The following SERP2 variants were observed in gnomAD, a reference collection of about 807,000 sequenced individuals.
The protein encoded by SERP2 is stress associated endoplasmic reticulum protein family member 2.
Under a neutral mutation model 9.1 loss-of-function variants are expected in SERP2, and 6 were observed. The ratio of observed to expected loss-of-function variants is 0.66; its 90% confidence interval spans 0.36 to 1.30. SERP2 has a LOEUF of 1.30. Ranked by LOEUF, SERP2 falls within the 50% of genes most tolerant of loss-of-function variation. SERP2 has a pLI of 0.03. For missense variants in SERP2, 58 were observed against 81.9 expected (o/e 0.71, Z 1.13); for synonymous variants, 37 against 27.3 (o/e 1.35, Z -1.10).
chr13:44,396,433 CAAA>C (rs112700748), intron 2 of SERP2, among the ~76,000 whole-genome samples: 14 of 93,588 alleles, frequency 1.5e-4, no homozygotes, highest in Admixed American at 2.3e-4. Context: ...CACCCTCCTT[CAAA>C]AAAAAAAAAA....
chr13:44,384,540 G>A (rs1023175404), intron 2 of SERP2, among the ~76,000 whole-genome samples: 8 of 152,106 alleles, frequency 5.3e-5, no homozygotes, highest in African/African-American at 9.7e-5. Flanking sequence ...TTTGCAGCAC[G>A]CACACCTGCA....
rs138887551 is a variant in SERP2, at chr13:44,390,776, A to G, written c.158-6496A>G. On this transcript the variant is annotated intron_variant, in intron 2 of 2. Coordinates refer to ENST00000379179, the MANE Select transcript of SERP2 (RefSeq NM_001010897.3). Reference sequence around the variant, plus strand: ...TTTCCCTCTTCTCCATCTCTAGAGAAGCCACCAGAAAATGGCATCTTGCTT... The same window carrying G: ...TTTCCCTCTTCTCCATCTCTAGAGAGGCCACCAGAAAATGGCATCTTGCTT... The G allele has an allele frequency of 6.9e-3, 1,092 of 158,686 alleles. 5 individuals are homozygous for G. Among genetic ancestry groups the G allele is most frequent in the South Asian group, 0.028 (157 of 5,568 alleles). The allele number at this position is 158,686 out of a possible 1,614,324, so 9.8% of individuals were successfully genotyped here. A position where few individuals can be genotyped will look rare whatever the true frequency, so the allele number is the denominator to read the frequency against.
At chr13:44,392,056 G>A (rs1441359406) in intron 2 of SERP2, among the ~76,000 whole-genome samples, 2 of 151,414 alleles carry the variant, frequency 1.3e-5, no homozygotes, top group East Asian at 3.9e-4. Context: ...AAATTAGCTG[G>A]GCATGGTGGT....
chr13:44,384,488 TA>T (rs2138786736), intron 2 of SERP2, among the ~76,000 whole-genome samples: 1 of 152,276 alleles, frequency 6.6e-6, no homozygotes, highest in East Asian at 1.9e-4. Context: ...TCCAGCTTTG[TA>T]ATCTGAAATA....
chr13:44,374,995 G>C (rs1871564796), intron 1 of SERP2, among the ~76,000 whole-genome samples: 1 of 152,146 alleles, frequency 6.6e-6, no homozygotes, highest in African/African-American at 2.4e-5. Context: ...TTTTAGCAAA[G>C]CAGATTATCA....
rs1410539007 is a variant in SERP2, at chr13:44,388,566, C to CA, written c.158-8705dup. Among the ~76,000 whole-genome samples the CA allele has an allele frequency of 5.9e-5, 9 of 152,304 alleles. No individual in the cohort carries two copies. The East Asian group carries it at 1.7e-3, about 29-fold the overall frequency. ...AGAGCCTGTGAGGTTTATCAGGCAC[C>CA]ATCCGTTGGGAGTCGCTCTGCCATT... is the stretch of plus-strand genomic sequence containing the variant. On this transcript the variant is annotated intron_variant, in intron 2 of 2. Transcript: ENST00000379179.
chr13:44,380,260 G>A (rs545257157), intron 2 of SERP2, among the ~76,000 whole-genome samples: 76 of 152,266 alleles, frequency 5.0e-4, no homozygotes, highest in African/African-American at 1.8e-3. Context: ...CAGAAGCATC[G>A]TGCCATTGTT....
Position 44,386,065 on chromosome 13 carries a change from G to A in SERP2, c.157+6352G>A, listed in dbSNP as rs112344765. 6.9e-3 allele frequency among the ~76,000 whole-genome samples: 1,057 copies of A among 152,332 alleles called. 24 individuals are homozygous for A. The highest frequency in any genetic ancestry group is 0.036 in the Admixed American group (556 of 15,306). ...TTCACTCCACGGATGAGTGGGAGCAGTGTAAGTGATAACACTTTGGATGCA... is the reference window on the plus strand; with the variant it reads ...TTCACTCCACGGATGAGTGGGAGCAATGTAAGTGATAACACTTTGGATGCA... On this transcript the variant is annotated intron_variant, in intron 2 of 2. Transcript: ENST00000379179.
intron 2 of SERP2, among the ~76,000 whole-genome samples, chr13:44,396,797 C>T (rs1873131643): frequency 6.6e-6 from 1 of 152,240 alleles, no homozygotes; most frequent in South Asian, 2.1e-4. Flanking sequence ...GGGTTCTAGG[C>T]AGACAGAGGC....
intron 1 of SERP2, among the ~76,000 whole-genome samples, chr13:44,376,891 T>C (rs1159941829): frequency 2.6e-5 from 4 of 152,226 alleles, no homozygotes; most frequent in Non-Finnish European, 5.9e-5. Flanking sequence ...ACGGGTATCT[T>C]AATCACAGGG....
At chr13:44,383,831 A>G (rs1440101322) in intron 2 of SERP2, among the ~76,000 whole-genome samples, 5 of 151,658 alleles carry the variant, frequency 3.3e-5, no homozygotes, top group Admixed American at 6.6e-5. Context: ...GATTACAGGC[A>G]TGAGCCAATG....
rs375157477 is a variant in SERP2 at position 44,382,424 on chromosome 13, G to A, written c.157+2711G>A. ...TGCACTCCAGCCTGGGCGACAGAGC[G>A]AGACTCCGTCTCAAAAAAAAAAAAA... is the stretch of plus-strand genomic sequence containing the variant. On this transcript the variant is annotated intron_variant, in intron 2 of 2. Transcript: ENST00000379179. Among the ~76,000 whole-genome samples the A allele has an allele frequency of 7.0e-4, 78 of 111,096 alleles. 1 individual carries two copies. The highest frequency in any genetic ancestry group is 6.7e-3 in the East Asian group (22 of 3,294). 72.9% of individuals were successfully genotyped at this position (111,096 alleles called of 152,430 possible).
At chr13:44,396,904 G>A (rs1271435594) in intron 2 of SERP2, among the ~76,000 whole-genome samples, 18 of 152,198 alleles carry the variant, frequency 1.2e-4, no homozygotes, top group Non-Finnish European at 7.3e-5. Flanking sequence ...CAGACTCACT[G>A]ACCTGTTTAA....
At chr13:44,390,585 T>A (rs1595056166) in intron 2 of SERP2, 3 of 357,972 alleles carry the variant, frequency 8.4e-6, no homozygotes, top group Non-Finnish European at 1.7e-5. Flanking sequence ...TAAGGTGACC[T>A]GCAGCCTCCT....
chr13:44,390,276 T>C, intron 2 of SERP2: 1 of 344,854 alleles, frequency 2.9e-6, no homozygotes. Flanking sequence ...ACAGGCTGCC[T>C]CTTGGTTGGG....
intron 2 of SERP2, among the ~76,000 whole-genome samples, chr13:44,388,156 C>G (rs1393162780): frequency 6.9e-6 from 1 of 145,792 alleles, no homozygotes; most frequent in Non-Finnish European, 1.5e-5. Context: ...TTTTTTTAAG[C>G]TGCAGAACTT....
At chr13:44,394,596 C>CA (rs1872978916) in intron 2 of SERP2, among the ~76,000 whole-genome samples, 1 of 152,208 alleles carries the variant, frequency 6.6e-6, no homozygotes, top group African/African-American at 2.4e-5. Flanking sequence ...AAGTTTTTGT[C>CA]TAAGGGCAAG....
At chr13:44,391,962 C>T (rs575878512) in intron 2 of SERP2, among the ~76,000 whole-genome samples, 5 of 151,192 alleles carry the variant, frequency 3.3e-5, no homozygotes, top group South Asian at 2.1e-4. Context: ...TTTGGGAGGC[C>T]GAGGCGGGTG....
intron 2 of SERP2, among the ~76,000 whole-genome samples, chr13:44,388,281 TGTG>T (rs1185871613): frequency 2.9e-3 from 1 of 346 alleles, no homozygotes; most frequent in African/African-American, 0.014. Flanking sequence ...GGTTTTTTTG[TGTG>T]TGTGTTTGTT....
Sources: gnomAD v4.1 joint callset for allele counts (sites outside exome capture counted in the v4.1 genomes callset) on GRCh38, gnomAD v4.1.1 for gene constraint, MANE v1.5 for transcripts, NCBI Gene and HGNC (gene_info 2026-07-23, HGNC 2026-07-21) for gene names.